Variants in FBXW7 observed in about 807,000 individuals in gnomAD.
FBXW7 encodes F-box and WD repeat domain containing 7.
Under a neutral mutation model 86.3 loss-of-function variants are expected in FBXW7, and 11 were observed. The observed-to-expected ratio is 0.13, with a 90% CI of 0.08 to 0.21. The LOEUF (loss-of-function observed/expected upper bound fraction) is 0.21, where lower values mean the gene tolerates loss of function less well. Among genes scored for constraint, FBXW7 ranks in the 10% least tolerant of loss-of-function variants. The pLI is 1.00. For missense variants in FBXW7, 488 were observed against 847.4 expected, an observed-to-expected ratio of 0.58 and a Z score of 5.27; for synonymous variants, 313 against 297.9, an observed-to-expected ratio of 1.05 and a Z score of -0.52.
At chr4:152,350,666 T>C (rs1332648932) in intron 4 of FBXW7, among the ~76,000 whole-genome samples, 1 of 151,716 alleles carries the variant, frequency 6.6e-6, no homozygotes, top group East Asian at 1.9e-4. Context: ...ATAAAGCAAT[T>C]AATATGGGCA....
chr4:152,388,509 T>C (rs1579068856), intron 4 of FBXW7, among the ~76,000 whole-genome samples: 1 of 152,108 alleles, frequency 6.6e-6, no homozygotes, highest in African/African-American at 2.4e-5. Context: ...ATGTTAGACA[T>C]TTAAGCTGTT....
chr4:152,407,926 A>G (rs1737570707), intron 4 of FBXW7, among the ~76,000 whole-genome samples: 1 of 152,214 alleles, frequency 6.6e-6, no homozygotes, highest in African/African-American at 2.4e-5. Flanking sequence ...GCTGGTCTCA[A>G]GCAATCTGCC....
chr4:152,513,726 A>G (rs1370757014), intron 2 of FBXW7, among the ~76,000 whole-genome samples: 1 of 152,246 alleles, frequency 6.6e-6, no homozygotes, highest in Admixed American at 6.5e-5. Context: ...ATAAAAATGT[A>G]CTTACCTTTA....
chr4:152,414,256 A>G (rs1579134098), intron 2 of FBXW7, among the ~76,000 whole-genome samples: 1 of 152,242 alleles, frequency 6.6e-6, no homozygotes, highest in South Asian at 2.1e-4. Context: ...GGAACATTAA[A>G]CAGAACTTCA....
At chr4:152,522,194 A>G (rs1579426294) in intron 2 of FBXW7, among the ~76,000 whole-genome samples, 1 of 152,128 alleles carries the variant, frequency 6.6e-6, no homozygotes, top group African/African-American at 2.4e-5. Context: ...ATGAATACAC[A>G]CTACGGCACT....
chr4:152,453,717 T>G (rs373847836), intron 2 of FBXW7, among the ~76,000 whole-genome samples: 8 of 152,190 alleles, frequency 5.3e-5, no homozygotes, highest in African/African-American at 1.9e-4. Flanking sequence ...TTTTTAAATG[T>G]TGAAAGAGTG....
intron 4 of FBXW7, among the ~76,000 whole-genome samples, chr4:152,387,690 A>G (rs952434487): frequency 2.7e-4 from 40 of 146,264 alleles, no homozygotes; most frequent in Non-Finnish European, 3.3e-4. Flanking sequence ...GGCATCAAAG[A>G]AAAAAAACAT....
intron 6 of FBXW7, among the ~76,000 whole-genome samples, chr4:152,342,239 A>G (rs879880122): frequency 2.0e-5 from 3 of 152,164 alleles, no homozygotes; most frequent in Non-Finnish European, 4.4e-5. Context: ...GAGGTAGTAG[A>G]GAAGAGTAGA....
At chr4:152,450,390 G>A (rs1430059909) in intron 2 of FBXW7, among the ~76,000 whole-genome samples, 4 of 152,152 alleles carry the variant, frequency 2.6e-5, no homozygotes, top group Admixed American at 6.5e-5. Context: ...GCTATTCATC[G>A]AAAGAGCACA....
intron 2 of FBXW7, among the ~76,000 whole-genome samples, chr4:152,478,109 T>A (rs1212474049): frequency 1.3e-5 from 2 of 152,150 alleles, no homozygotes; most frequent in Admixed American, 1.3e-4. Flanking sequence ...TAGCCATTTT[T>A]AAATGGACAA....
At chr4:152,393,399 A>T (rs1736156412) in intron 4 of FBXW7, among the ~76,000 whole-genome samples, 1 of 147,468 alleles carries the variant, frequency 6.8e-6, no homozygotes, top group Non-Finnish European at 1.5e-5. Flanking sequence ...TCTAACTGAT[A>T]GAGAATAATG....
intron 2 of FBXW7, among the ~76,000 whole-genome samples, chr4:152,495,497 C>CT (rs1278758202): frequency 1.3e-5 from 2 of 152,084 alleles, no homozygotes; most frequent in South Asian, 2.1e-4. Context: ...AAACAGAAAT[C>CT]TTTAAGTGTG....
chr4:152,479,186 G>C (rs1414020989), intron 2 of FBXW7, among the ~76,000 whole-genome samples: 5 of 152,014 alleles, frequency 3.3e-5, no homozygotes, highest in Non-Finnish European at 7.4e-5. Flanking sequence ...CCTCCTAAGA[G>C]ATGCAAATGA....
intron 2 of FBXW7, among the ~76,000 whole-genome samples, chr4:152,459,686 T>C (rs1043964962): frequency 2.6e-5 from 4 of 152,250 alleles, no homozygotes; most frequent in Admixed American, 6.5e-5. Flanking sequence ...AAACTCTATA[T>C]ATACTATGTC....
intron 2 of FBXW7, among the ~76,000 whole-genome samples, chr4:152,413,225 T>C (rs1489807497): frequency 6.6e-6 from 1 of 152,124 alleles, no homozygotes; most frequent in Admixed American, 6.6e-5. Flanking sequence ...AGGTCTTTTA[T>C]TTCTTCCTAC....
At chr4:152,409,158 G>GCTGT (rs1160640777) in intron 4 of FBXW7, among the ~76,000 whole-genome samples, 1 of 152,122 alleles carries the variant, frequency 6.6e-6, no homozygotes, top group Non-Finnish European at 1.5e-5. Flanking sequence ...ATTCAGTCTA[G>GCTGT]CTGTCCACAG....
chr4:152,397,175 G>A (rs568764450), intron 4 of FBXW7, among the ~76,000 whole-genome samples: 1 of 152,038 alleles, frequency 6.6e-6, no homozygotes, highest in South Asian at 2.1e-4. Context: ...CCAAAAGACA[G>A]TGTAAACAGT....
chr4:152,516,088 C>T (rs557103333), intron 2 of FBXW7, among the ~76,000 whole-genome samples: 112 of 152,290 alleles, frequency 7.4e-4, no homozygotes, highest in South Asian at 6.4e-3. Context: ...ATAGGAGCCC[C>T]GGCTGATTCC....
chr4:152,518,346 A>C (rs1375223645), intron 2 of FBXW7, among the ~76,000 whole-genome samples: 1 of 152,114 alleles, frequency 6.6e-6, no homozygotes, highest in Admixed American at 6.5e-5. Flanking sequence ...CCCAGGCTAA[A>C]GTATAGTGGC....
Sources: gnomAD v4.1 joint callset for allele counts (sites outside exome capture counted in the v4.1 genomes callset) on GRCh38, gnomAD v4.1.1 for gene constraint, MANE v1.5 for transcripts, NCBI Gene and HGNC (gene_info 2026-07-23, HGNC 2026-07-21) for gene names.